The following HACE1 variants were observed in gnomAD, a reference collection of about 807,000 sequenced individuals.
HACE1 encodes the protein HECT domain and ankyrin repeat containing E3 ubiquitin protein ligase 1.
In HACE1, 73 loss-of-function variants were observed where a neutral mutation model predicts 118.4. The ratio of observed to expected loss-of-function variants is 0.62; its 90% CI spans 0.51 to 0.75. The LOEUF (loss-of-function observed/expected upper bound fraction) is 0.75, where lower values mean the gene tolerates loss of function less well. Ranked by LOEUF, HACE1 falls within the 30% of genes least tolerant of loss-of-function variation. HACE1 has a pLI of 0.00. For missense variants in HACE1, 749 were observed against 1,102.2 expected (o/e 0.68, Z 4.54); for synonymous variants, 368 against 374.8 (o/e 0.98, Z 0.21).
intron 19 of HACE1, among the ~76,000 whole-genome samples, chr6:104,769,018 G>A (rs1415936371): frequency 6.6e-6 from 1 of 151,918 alleles, no homozygotes; most frequent in Non-Finnish European, 1.5e-5. Context: ...CATAAATATA[G>A]ATATACCTCA....
intron 9 of HACE1, among the ~76,000 whole-genome samples, chr6:104,796,333 C>T (rs1383896010): frequency 6.6e-6 from 1 of 152,078 alleles, no homozygotes; most frequent in African/African-American, 2.4e-5. Flanking sequence ...TAGTCTCAAA[C>T]TCCTGGGCTC....
At chr6:104,846,400 A>C (rs1478538001) in intron 4 of HACE1, among the ~76,000 whole-genome samples, 1 of 152,192 alleles carries the variant, frequency 6.6e-6, no homozygotes, top group Non-Finnish European at 1.5e-5. Context: ...ATTCTCATAT[A>C]AGCATGAGCA....
rs115687188 is a variant in HACE1, at chr6:104,794,260, T to C, written c.923+1319A>G. On this transcript the variant is annotated intron_variant, in intron 10 of 23. Transcript: ENST00000262903. ...AGTGATGAAGGTAAACTTAAAAACATAGATACATCAAAACATAAATGCTTT... is the reference window on the plus strand; with the variant it reads ...AGTGATGAAGGTAAACTTAAAAACACAGATACATCAAAACATAAATGCTTT... Among the ~76,000 whole-genome samples, 483 of 152,302 alleles carry C rather than the reference T, an allele frequency of 3.2e-3. 1 individual carries two copies. The highest frequency in any genetic ancestry group is 0.011 in the African/African-American group (437 of 41,580).
At position 104,800,284 on chromosome 6, in the gene HACE1, G is replaced by C. The variant is rs539715504; in HGVS notation, c.618-3259C>G. 2.0e-5 allele frequency among the ~76,000 whole-genome samples: 3 copies of C among 152,302 alleles called. No homozygotes were observed. In the East Asian group the frequency reaches 5.8e-4, roughly 30 times the overall value. On this transcript the variant is annotated intron_variant, in intron 7 of 23. Transcript: ENST00000262903. ...TCCATAGACTCCACTTCTGTGGGCAGGGCATAGCTGAAAAAAAGGCAGCAG... is the reference window on the plus strand; with the variant it reads ...TCCATAGACTCCACTTCTGTGGGCACGGCATAGCTGAAAAAAAGGCAGCAG...
intron 1 of HACE1, among the ~76,000 whole-genome samples, chr6:104,857,842 AACT>A (rs1012604093): frequency 2.8e-4 from 43 of 152,172 alleles, no homozygotes; most frequent in African/African-American, 9.4e-4. Context: ...CTGTAGTCCC[AACT>A]ACTGGGAAGG....
intron 5 of HACE1, among the ~76,000 whole-genome samples, chr6:104,841,544 T>C (rs1042762873): frequency 6.6e-6 from 1 of 152,170 alleles, no homozygotes; most frequent in Non-Finnish European, 1.5e-5. Context: ...TAACAAAATC[T>C]GAATTTTTAC....
At chr6:104,805,113 G>A (rs1164574539) in intron 7 of HACE1, among the ~76,000 whole-genome samples, 2 of 152,122 alleles carry the variant, frequency 1.3e-5, no homozygotes, top group South Asian at 2.1e-4. Flanking sequence ...AATGCTCATC[G>A]TCACTGGTCA....
Position 104,744,298 on chromosome 6 carries a change from A to G in HACE1, c.2443-68T>C, listed in dbSNP as rs1373272388. On this transcript the variant is annotated intron_variant, in intron 21 of 23. Coordinates refer to ENST00000262903, the MANE Select transcript of HACE1 (RefSeq NM_020771.4). ...TTGTAGACTTCTCAATACCAGAGAA[A>G]TATGCAATATTCATAAAGCACATTT... 1.7e-5 allele frequency: 17 copies of G among 977,602 alleles called. No homozygotes were observed. In the Admixed American group the frequency reaches 2.9e-4, roughly 17 times the overall value. The allele number at this position is 977,602 out of a possible 1,614,324, so 60.6% of individuals were successfully genotyped here.
intron 22 of HACE1, chr6:104,731,392 T>C (rs1028967920): frequency 1.3e-5 from 2 of 151,718 alleles, no homozygotes; most frequent in African/African-American, 4.8e-5. Flanking sequence ...AAAAAAAAGT[T>C]GAACCTCAAA....
chr6:104,734,189 GATAATGAAACAGTAAAAC>G (rs1775549221), intron 22 of HACE1, among the ~76,000 whole-genome samples: 1 of 150,758 alleles, frequency 6.6e-6, no homozygotes, highest in Non-Finnish European at 1.5e-5. Context: ...ATTCTTAAGG[GATAATGAAACAGTAAAAC>G]ATTTAAGATG....
At chr6:104,809,164 GTAC>G (rs1275007479) in intron 7 of HACE1, among the ~76,000 whole-genome samples, 1 of 152,102 alleles carries the variant, frequency 6.6e-6, no homozygotes. Flanking sequence ...GCAAAACACT[GTAC>G]TACACTTTGG....
At chr6:104,802,395 C>A (rs900607083) in intron 7 of HACE1, among the ~76,000 whole-genome samples, 1 of 152,162 alleles carries the variant, frequency 6.6e-6, no homozygotes, top group African/African-American at 2.4e-5. Context: ...ACTCTCCACC[C>A]CAAATCAACA....
intron 6 of HACE1, among the ~76,000 whole-genome samples, chr6:104,823,447 T>C (rs1001636836): frequency 2.0e-5 from 3 of 150,770 alleles, no homozygotes; most frequent in African/African-American, 7.3e-5. Flanking sequence ...AAAAAAAAAA[T>C]TGGAAATTAC....
intron 19 of HACE1, among the ~76,000 whole-genome samples, chr6:104,758,749 A>C (rs1230284039): frequency 6.6e-6 from 1 of 152,200 alleles, no homozygotes; most frequent in East Asian, 1.9e-4. Flanking sequence ...AAAGACACAG[A>C]CTGGCAAATT....
intron 7 of HACE1, among the ~76,000 whole-genome samples, chr6:104,798,432 T>C (rs534421854): frequency 7.9e-5 from 12 of 152,186 alleles, no homozygotes; most frequent in Non-Finnish European, 1.8e-4. Flanking sequence ...ACTACGAATC[T>C]AGTGCCAGAA....
At chr6:104,810,883 T>C (rs1465119396) in intron 7 of HACE1, among the ~76,000 whole-genome samples, 1 of 152,034 alleles carries the variant, frequency 6.6e-6, no homozygotes, top group Admixed American at 6.6e-5. Flanking sequence ...TCAAGATATA[T>C]TCCAACAGCT....
In HACE1 at chr6:104,729,435, T is replaced by G. The variant is rs1774969402; in HGVS notation, c.*227A>C. On this transcript the variant is annotated 3_prime_UTR_variant, in exon 24 of 24. Transcript: ENST00000262903. ...GTCTCTATTACTTTCAGTTAGCATT[T>G]TAAAAAATAAAATCTACTGTGATTT... is the stretch of plus-strand genomic sequence containing the variant. 1.8e-6 allele frequency: 1 copy of G among 540,716 alleles called. No individual in the cohort carries two copies. Among genetic ancestry groups the G allele is most frequent in the South Asian group, 2.2e-5 (1 of 45,266 alleles). 33.5% of individuals were successfully genotyped at this position (540,716 alleles called of 1,614,324 possible). A position where few individuals can be genotyped will look rare whatever the true frequency, so the allele number is the denominator to read the frequency against.
In HACE1 at chr6:104,784,983, A is replaced by G; in HGVS notation, c.1409+2T>C. The G allele has an allele frequency of 1.2e-6, 2 of 1,602,098 alleles. No homozygotes were observed. The highest frequency in any genetic ancestry group is 1.7e-6 in the Non-Finnish European group (2 of 1,170,442). ...AAAAATAATAAGCCAAAACTTTCTTACCCCGGAGGCATCTGACAAGAACAG... is the reference window on the plus strand; with the variant it reads ...AAAAATAATAAGCCAAAACTTTCTTGCCCCGGAGGCATCTGACAAGAACAG... On this transcript the variant is annotated splice_donor_variant, in intron 12 of 23. Transcript: ENST00000262903. LOFTEE classifies it high-confidence loss of function.
intron 6 of HACE1, among the ~76,000 whole-genome samples, chr6:104,814,476 CTATTT>C (rs1182446184): frequency 7.2e-6 from 1 of 138,508 alleles, no homozygotes; most frequent in African/African-American, 2.9e-5. Flanking sequence ...ACATGTTTAA[CTATTT>C]TATAAGATTT....
Sources: allele counts gnomAD v4.1 joint callset (sites outside exome capture counted in the v4.1 genomes callset), GRCh38; gene constraint gnomAD v4.1.1; transcripts MANE v1.5; gene names NCBI Gene and HGNC (gene_info 2026-07-23, HGNC 2026-07-21).